The following DMD variants were observed in gnomAD, a reference collection of about 807,000 sequenced individuals.
DMD encodes the protein dystrophin.
A neutral mutation model predicts 330.1 loss-of-function variants in DMD; 63 were observed. That is an observed-to-expected ratio of 0.19 (90% CI 0.16 to 0.24). The LOEUF (loss-of-function observed/expected upper bound fraction) is 0.24. DMD is among the 10% of genes least tolerant of loss of function. The pLI is 1.00. For missense variants in DMD, 3,344 were observed against 2,684.1 expected (o/e 1.25, Z -5.43); for synonymous variants, 1,223 against 959.8 (o/e 1.27, Z -5.07).
chrX:31,863,114 C>T (rs1408363056), intron 48 of DMD, among the ~76,000 whole-genome samples: 3 of 112,601 alleles, frequency 2.7e-5, no homozygotes, highest in African/African-American at 9.6e-5. Context: ...GAGGCCGAGG[C>T]GGGCAGATCA....
intron 41 of DMD, among the ~76,000 whole-genome samples, chrX:32,326,412 T>A (rs2097650910): frequency 8.9e-6 from 1 of 112,328 alleles, no homozygotes; most frequent in Admixed American, 9.4e-5. Context: ...ACTTAATAGA[T>A]GTAAATAGCA....
At chrX:32,877,154 G>A (rs946804565) in intron 2 of DMD, among the ~76,000 whole-genome samples, 4 of 111,767 alleles carry the variant, frequency 3.6e-5, no homozygotes, top group Non-Finnish European at 1.9e-5. Context: ...AAACAAAGAA[G>A]TATCATTACA....
intron 51 of DMD, among the ~76,000 whole-genome samples, chrX:31,734,225 TA>T (rs1426741162): frequency 1.4e-3 from 147 of 105,835 alleles, no homozygotes; most frequent in African/African-American, 5.1e-3. Context: ...TATATATATA[TA>T]TTTTTTTTCT....
At chrX:31,950,014 G>A (rs1052699351) in intron 45 of DMD, among the ~76,000 whole-genome samples, 2 of 109,543 alleles carry the variant, frequency 1.8e-5, no homozygotes, top group African/African-American at 6.6e-5. Flanking sequence ...TCTAACCCCC[G>A]TTATTTCCTT....
chrX:32,608,595 G>C (rs1024209950), intron 12 of DMD, among the ~76,000 whole-genome samples: 1 of 110,228 alleles, frequency 9.1e-6, no homozygotes, highest in African/African-American at 3.3e-5. Flanking sequence ...TTTGCTGTAT[G>C]CCCAACGTTT....
chrX:32,391,837 G>C (rs775868157), intron 30 of DMD, among the ~76,000 whole-genome samples: 12 of 111,911 alleles, frequency 1.1e-4, no homozygotes, highest in Non-Finnish European at 7.5e-5. Context: ...TCAATAATTA[G>C]TAAGCATTGC....
intron 19 of DMD, among the ~76,000 whole-genome samples, chrX:32,496,546 C>G: frequency 8.9e-6 from 1 of 111,915 alleles, no homozygotes; most frequent in East Asian, 2.8e-4. Flanking sequence ...TATTTTCAAA[C>G]ATCATAAAAT....
At chrX:33,271,027 G>A (rs1268747763) in intron 1 of DMD, among the ~76,000 whole-genome samples, 1 of 111,339 alleles carries the variant, frequency 9.0e-6, no homozygotes, top group African/African-American at 3.3e-5. Context: ...TTAAAAAGGT[G>A]TTATTTGTGG....
intron 43 of DMD, among the ~76,000 whole-genome samples, chrX:32,225,623 T>C (rs1024509723): frequency 9.0e-6 from 1 of 110,926 alleles, no homozygotes; most frequent in African/African-American, 3.3e-5. Flanking sequence ...ATCATCAGGG[T>C]GGTTTCTCAC....
chrX:31,225,388 C>T (rs983090347), intron 63 of DMD, among the ~76,000 whole-genome samples: 3 of 112,204 alleles, frequency 2.7e-5, no homozygotes, highest in African/African-American at 9.7e-5. Context: ...GTTAGACGGG[C>T]CTGTGTAGTG....
intron 54 of DMD, among the ~76,000 whole-genome samples, chrX:31,645,018 A>G (rs1426080207): frequency 8.9e-6 from 1 of 111,917 alleles, no homozygotes; most frequent in Non-Finnish European, 1.9e-5. Context: ...TGTGTGGGAA[A>G]AAAATCCTCA....
intron 57 of DMD, among the ~76,000 whole-genome samples, chrX:31,488,998 T>C (rs181631053): frequency 8.9e-6 from 1 of 112,167 alleles, no homozygotes; most frequent in Admixed American, 9.4e-5. Context: ...TGATCTTATT[T>C]CCCTTGAGAT....
chrX:32,422,539 T>C (rs968313590), intron 29 of DMD, among the ~76,000 whole-genome samples: 8 of 111,752 alleles, frequency 7.2e-5, no homozygotes, highest in African/African-American at 2.6e-4. Flanking sequence ...TAGAGTGCTA[T>C]GAAATTGGTA....
chrX:32,660,303 A>T (rs1272389788), intron 9 of DMD, among the ~76,000 whole-genome samples: 5 of 111,102 alleles, frequency 4.5e-5, no homozygotes, highest in African/African-American at 1.6e-4. Context: ...TGATTTGGTG[A>T]AGATACTAGA....
chrX:33,057,845 T>C (rs2094535669), intron 1 of DMD, among the ~76,000 whole-genome samples: 1 of 111,729 alleles, frequency 9.0e-6, no homozygotes, highest in Non-Finnish European at 1.9e-5. Flanking sequence ...TATATAATAT[T>C]CCACGGATAT....
chrX:32,492,763 T>C (rs1051401599), intron 19 of DMD, among the ~76,000 whole-genome samples: 1 of 112,461 alleles, frequency 8.9e-6, no homozygotes, highest in Non-Finnish European at 1.9e-5. Context: ...ATATATTACA[T>C]ATGATATCAT....
At chrX:32,446,286 A>G in intron 27 of DMD, among the ~76,000 whole-genome samples, 1 of 110,694 alleles carries the variant, frequency 9.0e-6, no homozygotes, top group Admixed American at 9.6e-5. Context: ...GAAACTGCAG[A>G]GCAGACAGGA....
At chrX:31,150,476 T>C (rs1449283737) in intron 74 of DMD, among the ~76,000 whole-genome samples, 1 of 112,223 alleles carries the variant, frequency 8.9e-6, no homozygotes, top group African/African-American at 3.2e-5. Context: ...ATCCAGTGAC[T>C]GATTAGAACT....
At chrX:32,465,525 T>A (rs1329708910) in intron 23 of DMD, among the ~76,000 whole-genome samples, 1 of 110,315 alleles carries the variant, frequency 9.1e-6, no homozygotes, top group African/African-American at 3.3e-5. Context: ...CTACATTTGT[T>A]CTTATTTCAC....
Sources: allele counts gnomAD v4.1 joint callset (sites outside exome capture counted in the v4.1 genomes callset), GRCh38; gene constraint gnomAD v4.1.1; transcripts MANE v1.5; gene names NCBI Gene and HGNC (gene_info 2026-07-23, HGNC 2026-07-21).